Variants in IGSF11 observed in about 807,000 individuals in gnomAD.
IGSF11 encodes the protein CXADR like 1.
IGSF11 carries 22 observed loss-of-function variants against 41.0 expected under a neutral mutation model. The observed-to-expected ratio is 0.54, with a 90% CI of 0.38 to 0.77. IGSF11 has a LOEUF of 0.77. Ranked by LOEUF, IGSF11 falls within the 30% of genes least tolerant of loss-of-function variation. The pLI is 0.00. For synonymous variants in IGSF11, 219 were observed against 201.3 expected (o/e 1.09, Z -0.74); for missense variants, 444 against 530.8 (o/e 0.84, Z 1.61).
At chr3:119,089,579 A>G (rs1477753558) in intron 1 of IGSF11, among the ~76,000 whole-genome samples, 2 of 152,212 alleles carry the variant, frequency 1.3e-5, no homozygotes, top group Admixed American at 6.5e-5. Flanking sequence ...TCCTAGCCAG[A>G]GCAATCAAAC....
chr3:119,120,603 T>C (rs570748125), intron 1 of IGSF11, among the ~76,000 whole-genome samples: 1 of 152,320 alleles, frequency 6.6e-6, no homozygotes, highest in African/African-American at 2.4e-5. Flanking sequence ...GGGGATCAGT[T>C]TGACCAGGTG....
Position 118,961,218 on chromosome 3 carries a change from T to C in IGSF11, c.53-30943A>G, listed in dbSNP as rs576564002. The stretch of plus-strand genomic sequence containing the variant: ...TTCCTGGGGCCAGTTCCTGCTGAGA[T>C]GTGGCTGGTCCTAGGCTTCTTTGAA... On this transcript the variant is annotated intron_variant, in intron 1 of 6. Transcript: ENST00000393775. 1.4e-4 allele frequency among the ~76,000 whole-genome samples: 21 copies of C among 152,360 alleles called. No individual in the cohort carries two copies. The East Asian group carries it at 3.7e-3, about 27-fold the overall frequency.
At chr3:119,060,458 G>A (rs1005473107) in intron 1 of IGSF11, among the ~76,000 whole-genome samples, 2 of 150,964 alleles carry the variant, frequency 1.3e-5, no homozygotes, top group African/African-American at 4.9e-5. Context: ...AACCAGTGAT[G>A]GGTGTACATT....
At chr3:118,968,919 T>C (rs576445709) in intron 1 of IGSF11, among the ~76,000 whole-genome samples, 9 of 152,244 alleles carry the variant, frequency 5.9e-5, no homozygotes, top group East Asian at 5.8e-4. Context: ...GGTAGAGACA[T>C]AGAAATACAT....
intron 1 of IGSF11, among the ~76,000 whole-genome samples, chr3:119,144,528 T>C (rs2077692483): frequency 6.6e-6 from 1 of 151,562 alleles, no homozygotes; most frequent in Non-Finnish European, 1.5e-5. Flanking sequence ...ATTTGGAAAC[T>C]AGACAACATA....
At chr3:119,076,058 CAG>C (rs1316760857) in intron 1 of IGSF11, among the ~76,000 whole-genome samples, 1 of 152,146 alleles carries the variant, frequency 6.6e-6, no homozygotes, top group Non-Finnish European at 1.5e-5. Context: ...GGTACCAAAA[CAG>C]AGATATAGAT....
Position 119,023,262 on chromosome 3 carries a change from CAAAAAAAAAAAAAAA to C in IGSF11, c.52+11254_52+11268del, listed in dbSNP as rs3049118. Among the ~76,000 whole-genome samples the C allele has an allele frequency of 1.2e-4, 7 of 60,246 alleles. No homozygotes were observed. In the East Asian group the frequency reaches 1.8e-3, roughly 16 times the overall value. 39.5% of individuals were successfully genotyped at this position (60,246 alleles called of 152,430 possible). ...TGGGCGACAGAGCGAGACTCCGTCT[CAAAAAAAAAAAAAAA>C]AAAAAAAAAAAAAAAAATGTGGTGA... On this transcript the variant is annotated intron_variant, in intron 1 of 6. Transcript: ENST00000393775.
chr3:119,120,844 G>T (rs558957123), intron 1 of IGSF11, among the ~76,000 whole-genome samples: 3 of 152,150 alleles, frequency 2.0e-5, no homozygotes, highest in Non-Finnish European at 2.9e-5. Flanking sequence ...CCTAGTTTAC[G>T]TAACTATGAC....
chr3:119,039,592 T>A (rs1246453103), upstream of IGSF11, among the ~76,000 whole-genome samples: 1 of 152,190 alleles, frequency 6.6e-6, no homozygotes, highest in Non-Finnish European at 1.5e-5. Flanking sequence ...TGGGGGGCCC[T>A]TATTCTGATT....
At chr3:118,990,715 T>C (rs1935710447) in intron 1 of IGSF11, among the ~76,000 whole-genome samples, 2 of 152,176 alleles carry the variant, frequency 1.3e-5, no homozygotes, top group Non-Finnish European at 2.9e-5. Flanking sequence ...CCTTTCACTG[T>C]TTCTAACCCC....
chr3:118,930,405 T>A, intron 1 of IGSF11, 130 bp from the exon 2 acceptor site: 1 of 814,046 alleles, frequency 1.2e-6, no homozygotes, highest in Non-Finnish European at 1.8e-6. Flanking sequence ...ATGATAGTCT[T>A]AACAACTGCT....
chr3:119,012,252 T>G (rs1159021810), intron 1 of IGSF11, among the ~76,000 whole-genome samples: 1 of 152,208 alleles, frequency 6.6e-6, no homozygotes, highest in African/African-American at 2.4e-5. Context: ...CTATCAGTGA[T>G]TAGTCTCTCA....
chr3:119,063,770 T>C (rs1198917926), intron 1 of IGSF11, among the ~76,000 whole-genome samples: 2 of 152,232 alleles, frequency 1.3e-5, no homozygotes, highest in Admixed American at 6.5e-5. Flanking sequence ...GGATACTACA[T>C]AGATGATGTT....
At chr3:118,949,668 C>T (rs555766995) in intron 1 of IGSF11, among the ~76,000 whole-genome samples, 3 of 152,180 alleles carry the variant, frequency 2.0e-5, no homozygotes, top group Non-Finnish European at 4.4e-5. Flanking sequence ...GGCATTGCTG[C>T]TGTTACCTTC....
chr3:119,112,293 C>T (rs1271136848), intron 1 of IGSF11, among the ~76,000 whole-genome samples: 2 of 152,178 alleles, frequency 1.3e-5, no homozygotes, highest in Middle Eastern at 3.2e-3. Flanking sequence ...CAAGCCTGGG[C>T]AATGGTGGGC....
At chr3:119,013,807 A>G (rs1938395184) in intron 1 of IGSF11, among the ~76,000 whole-genome samples, 2 of 152,254 alleles carry the variant, frequency 1.3e-5, no homozygotes, top group Non-Finnish European at 1.5e-5. Flanking sequence ...TGGCAAAGAT[A>G]AGATACAAGA....
intron 1 of IGSF11, among the ~76,000 whole-genome samples, chr3:119,134,779 G>C (rs972485294): frequency 6.6e-6 from 1 of 152,086 alleles, no homozygotes; most frequent in African/African-American, 2.4e-5. Flanking sequence ...AACAAAGCTG[G>C]AGGCATCACG....
chr3:118,974,589 C>T (rs369442743), intron 1 of IGSF11, among the ~76,000 whole-genome samples: 10 of 152,204 alleles, frequency 6.6e-5, no homozygotes, highest in African/African-American at 1.2e-4. Context: ...TTTGTGGTTG[C>T]AGTACCTAAT....
chr3:119,069,898 C>T (rs946168222), intron 1 of IGSF11, among the ~76,000 whole-genome samples: 12 of 152,140 alleles, frequency 7.9e-5, no homozygotes, highest in Non-Finnish European at 1.5e-5. Flanking sequence ...TTCTAAAACT[C>T]CCATATAGCA....
Sources: gnomAD v4.1 joint callset for allele counts (sites outside exome capture counted in the v4.1 genomes callset) on GRCh38, gnomAD v4.1.1 for gene constraint, MANE v1.5 for transcripts, NCBI Gene and HGNC (gene_info 2026-07-23, HGNC 2026-07-21) for gene names.